The following PRKAR1B variants were observed in gnomAD, a reference collection of about 807,000 sequenced individuals.
The protein encoded by PRKAR1B is protein kinase cAMP-dependent type I regulatory subunit beta.
Under a neutral mutation model 46.5 loss-of-function variants are expected in PRKAR1B, and 22 were observed. The observed-to-expected ratio is 0.47, with a 90% CI of 0.34 to 0.68. The LOEUF is 0.68. Ranked by LOEUF, PRKAR1B falls within the 30% of genes least tolerant of loss-of-function variation. PRKAR1B has a pLI of 0.01. For synonymous variants in PRKAR1B, 259 were observed against 217.7 expected (o/e 1.19, Z -1.67); for missense variants, 445 against 535.6 (o/e 0.83, Z 1.67).
chr7:613,352 G>A (rs893606216), intron 4 of PRKAR1B, among the ~76,000 whole-genome samples: 3 of 151,204 alleles, frequency 2.0e-5, no homozygotes, highest in African/African-American at 4.9e-5. Flanking sequence ...GAGAAAACAC[G>A]ACACGTACGC....
In PRKAR1B at chr7:647,616, C is replaced by G. The variant is rs553559367; in HGVS notation, c.440+29613G>C. On this transcript the variant is annotated intron_variant, in intron 4 of 10. Transcript: ENST00000537384. Reference sequence around the variant, plus strand: ...GGTCAGGAGATCGAGACCATCCTGGCTAACACAGTGAAACCCCGTCTCTAC... The same window carrying G: ...GGTCAGGAGATCGAGACCATCCTGGGTAACACAGTGAAACCCCGTCTCTAC... 1.2e-4 allele frequency among the ~76,000 whole-genome samples: 18 copies of G among 151,930 alleles called. No individual in the cohort carries two copies. The East Asian group carries it at 3.3e-3, about 28-fold the overall frequency.
At chr7:563,798 T>C (rs1778965976) in intron 9 of PRKAR1B, among the ~76,000 whole-genome samples, 1 of 151,284 alleles carries the variant, frequency 6.6e-6, no homozygotes, top group Non-Finnish European at 1.5e-5. Context: ...TGTGTGTACG[T>C]GTGTGTGCAC....
At chr7:601,753 C>T (rs906284816) in intron 6 of PRKAR1B, among the ~76,000 whole-genome samples, 7 of 152,222 alleles carry the variant, frequency 4.6e-5, no homozygotes, top group Non-Finnish European at 1.0e-4. Context: ...CAGCCGGTTC[C>T]CGCAGGGGGC....
intron 2 of PRKAR1B, among the ~76,000 whole-genome samples, chr7:692,996 G>A (rs1391251862): frequency 3.3e-5 from 5 of 151,784 alleles, no homozygotes; most frequent in Admixed American, 1.3e-4. Flanking sequence ...GGGCAGTGGT[G>A]CGATCTCGGC....
chr7:716,582 T>A (rs961885588), intron 1 of PRKAR1B: 6 of 152,230 alleles, frequency 3.9e-5, no homozygotes, highest in Non-Finnish European at 5.9e-5. Flanking sequence ...AATTGCTGTC[T>A]CCCCTGCTAG....
intron 7 of PRKAR1B, among the ~76,000 whole-genome samples, chr7:595,054 G>A (rs1781193676): frequency 6.6e-6 from 1 of 152,180 alleles, no homozygotes; most frequent in Admixed American, 6.5e-5. Flanking sequence ...AGCTCCCACC[G>A]TGGCTCCTGA....
rs1197155442 is a variant in PRKAR1B, at chr7:597,000, C to T, written c.550-696G>A. ...AGATTCCCTTTCAGCCCGGGTGGGC[C>T]GCCGCCCCCGCACAGGGTGCCTACT... is the stretch of plus-strand genomic sequence containing the variant. On this transcript the variant is annotated intron_variant, in intron 6 of 10. Coordinates refer to ENST00000537384, the MANE Select transcript of PRKAR1B (RefSeq NM_001164760.2). Among the ~76,000 whole-genome samples, 8 of 152,252 alleles carry T rather than the reference C, an allele frequency of 5.3e-5. No homozygotes were observed. The East Asian group carries it at 7.7e-4, about 15-fold the overall frequency.
chr7:637,202 G>A (rs914606388), intron 4 of PRKAR1B, among the ~76,000 whole-genome samples: 114 of 152,216 alleles, frequency 7.5e-4, no homozygotes, highest in African/African-American at 2.6e-3. Flanking sequence ...TGGGAGGATC[G>A]CTTGAGCTTC....
At chr7:726,362 G>A (rs1399490548) in intron 1 of PRKAR1B, among the ~76,000 whole-genome samples, 2 of 152,154 alleles carry the variant, frequency 1.3e-5, no homozygotes, top group Non-Finnish European at 2.9e-5. Context: ...GGCTACCCTG[G>A]TCCCAGGCGG....
At chr7:621,980 G>A (rs1297697568) in intron 4 of PRKAR1B, among the ~76,000 whole-genome samples, 2 of 152,254 alleles carry the variant, frequency 1.3e-5, no homozygotes, top group African/African-American at 4.8e-5. Flanking sequence ...AATCCCCCAG[G>A]AGTGATGCAA....
chr7:632,442 C>G (rs1783810034), intron 4 of PRKAR1B, among the ~76,000 whole-genome samples: 1 of 152,226 alleles, frequency 6.6e-6, no homozygotes, highest in African/African-American at 2.4e-5. Context: ...CCGGGGGGGT[C>G]TTCCCACTGC....
At chr7:726,588 A>C (rs941842164) in intron 1 of PRKAR1B, 3 of 583,428 alleles carry the variant, frequency 5.1e-6, no homozygotes, top group Non-Finnish European at 7.4e-6. Flanking sequence ...ACAAGAGCAC[A>C]GGCCCACGTG....
At chr7:653,237 C>T (rs1785008564) in intron 4 of PRKAR1B, among the ~76,000 whole-genome samples, 1 of 152,144 alleles carries the variant, frequency 6.6e-6, no homozygotes, top group African/African-American at 2.4e-5. Context: ...TGGGGGCCAC[C>T]AATGTCAAGT....
chr7:670,818 C>T (rs539694117), intron 4 of PRKAR1B, among the ~76,000 whole-genome samples: 6 of 151,460 alleles, frequency 4.0e-5, no homozygotes, highest in East Asian at 3.9e-4. Context: ...TCTCCCACGC[C>T]GTGGCATCCG....
chr7:606,921 C>T (rs1782110521), intron 5 of PRKAR1B, among the ~76,000 whole-genome samples: 1 of 151,918 alleles, frequency 6.6e-6, no homozygotes, highest in African/African-American at 2.4e-5. Flanking sequence ...TATACATGTA[C>T]ACACATATGT....
intron 4 of PRKAR1B, among the ~76,000 whole-genome samples, chr7:620,927 C>T (rs1583313597): frequency 6.6e-6 from 1 of 152,202 alleles, no homozygotes; most frequent in South Asian, 2.1e-4. Flanking sequence ...TATGTATGAC[C>T]TTTACCAAGT....
intron 4 of PRKAR1B, among the ~76,000 whole-genome samples, chr7:615,760 A>G (rs1295145757): frequency 3.5e-5 from 5 of 141,452 alleles, no homozygotes; most frequent in African/African-American, 1.3e-4. Flanking sequence ...CCCGGGAGGC[A>G]GAGCTTGCAG....
intron 2 of PRKAR1B, among the ~76,000 whole-genome samples, chr7:699,758 G>T (rs1694104695): frequency 6.6e-6 from 1 of 152,220 alleles, no homozygotes; most frequent in Non-Finnish European, 1.5e-5. Flanking sequence ...ATGGGCTGCA[G>T]TGGAGAGGCA....
In PRKAR1B at chr7:727,201, G is replaced by C. The variant is rs1781354480; in HGVS notation, c.-23+9C>G. ...CGTGGACCTGTGCGGCGCCGCGCTC[G>C]CGCCCCACCTGGACGACGCTCTGCG... On this transcript the variant is annotated intron_variant, in intron 1 of 10. Transcript: ENST00000537384. 3.0e-6 allele frequency: 4 copies of C among 1,345,666 alleles called. No homozygotes were observed. The highest frequency in any genetic ancestry group is 3.8e-6 in the Non-Finnish European group (4 of 1,045,856). 83.4% of individuals were successfully genotyped at this position (1,345,666 alleles called of 1,614,324 possible).
Sources: allele counts gnomAD v4.1 joint callset (sites outside exome capture counted in the v4.1 genomes callset), GRCh38; gene constraint gnomAD v4.1.1; transcripts MANE v1.5; gene names NCBI Gene and HGNC (gene_info 2026-07-23, HGNC 2026-07-21).